Variants in METTL22 observed in about 807,000 individuals in gnomAD.
The protein encoded by METTL22 is methyltransferase-like protein 22.
A neutral mutation model predicts 48.4 loss-of-function variants in METTL22; 51 were observed. The observed-to-expected ratio is 1.05, with a 90% CI of 0.84 to 1.33. METTL22 has a LOEUF of 1.33. Ranked by LOEUF, METTL22 falls within the 40% of genes most tolerant of loss-of-function variation. The probability of loss-of-function intolerance (pLI) is 0.00; values close to 1 mark genes in which losing one functional copy is unlikely to be tolerated. For synonymous variants in METTL22, 255 were observed against 214.1 expected (o/e 1.19, Z -1.67); for missense variants, 678 against 526.9 (o/e 1.29, Z -2.81).
intron 3 of METTL22, chr16:8,631,724 A>G (rs1336029752): frequency 6.6e-6 from 1 of 152,210 alleles, no homozygotes; most frequent in Non-Finnish European, 1.5e-5. Context: ...AGATTCTAAC[A>G]CTGTCTCATC....
the METTL22 span, among the ~76,000 whole-genome samples, chr16:8,655,187 C>G: frequency 2.0e-5 from 3 of 152,212 alleles, no homozygotes; most frequent in East Asian, 3.9e-4. Flanking sequence ...GGTCATAAAT[C>G]TGGGCTTAGT....
the METTL22 span, among the ~76,000 whole-genome samples, chr16:8,656,159 C>T: frequency 2.6e-5 from 4 of 152,190 alleles, no homozygotes; most frequent in African/African-American, 9.7e-5. Context: ...TAGTGCACCA[C>T]GGCCTCGAAC....
intron 7 of METTL22, 63 bp downstream of exon 7, chr16:8,641,247 C>T: frequency 6.5e-7 from 1 of 1,539,818 alleles, no homozygotes; most frequent in South Asian, 1.1e-5. Context: ...TACCTCAGTG[C>T]CCCTGGCTCT....
chr16:8,667,162 T>C, the METTL22 span: 1 of 152,132 alleles, frequency 6.6e-6, no homozygotes, highest in Non-Finnish European at 1.5e-5. Flanking sequence ...GGAGAAAGGA[T>C]GCCTGGGCTT....
chr16:8,628,653 T>C, intron 2 of METTL22, 77 bp from the exon 3 acceptor site: 1 of 1,513,718 alleles, frequency 6.6e-7, no homozygotes, highest in Non-Finnish European at 8.8e-7. Context: ...GGTAATCAGA[T>C]ATTCTCAAAG....
chr16:8,662,049 G>A, the METTL22 span, among the ~76,000 whole-genome samples: 1 of 145,420 alleles, frequency 6.9e-6, no homozygotes, highest in East Asian at 2.0e-4. Flanking sequence ...TTCAAGACCA[G>A]CCTGGACAAC....
the METTL22 span, among the ~76,000 whole-genome samples, chr16:8,655,461 A>G: frequency 6.6e-6 from 1 of 152,372 alleles, no homozygotes; most frequent in African/African-American, 2.4e-5. Flanking sequence ...GCTTTCTCAG[A>G]GCAAGCATAC....
chr16:8,635,553 G>C (rs921398486), intron 5 of METTL22, among the ~76,000 whole-genome samples: 2 of 152,206 alleles, frequency 1.3e-5, no homozygotes, highest in Admixed American at 6.5e-5. Context: ...AGCTTCAGGA[G>C]GTGCCTAGCG....
chr16:8,631,537 C>G (rs144180845), intron 3 of METTL22: 1 of 152,376 alleles, frequency 6.6e-6, no homozygotes, highest in East Asian at 1.9e-4. Flanking sequence ...ATACAAAGCT[C>G]TTAGCGTAAT....
At chr16:8,638,443 C>G (rs1384777603) in intron 5 of METTL22, among the ~76,000 whole-genome samples, 1 of 152,118 alleles carries the variant, frequency 6.6e-6, no homozygotes, top group Non-Finnish European at 1.5e-5. Flanking sequence ...ATTCACTGTA[C>G]CCCAAGTTAG....
intron 10 of METTL22, among the ~76,000 whole-genome samples, chr16:8,645,424 A>G (rs549805640): frequency 3.3e-5 from 5 of 152,302 alleles, no homozygotes; most frequent in African/African-American, 7.2e-5. Context: ...GAGTAGCGTC[A>G]CATGACCAAG....
chr16:8,661,586 A>G, the METTL22 span, among the ~76,000 whole-genome samples: 1 of 130,756 alleles, frequency 7.6e-6, no homozygotes, highest in South Asian at 2.5e-4. Context: ...CTGAGCTTGC[A>G]GTGAGCCGAG....
Position 8,634,404 on chromosome 16 carries a change from C to G in METTL22, c.515-635C>G, listed in dbSNP as rs146537419. 4.1e-4 allele frequency among the ~76,000 whole-genome samples: 62 copies of G among 152,288 alleles called. 1 individual carries two copies. The East Asian group carries it at 0.011, about 28-fold the overall frequency. ...AAATGCTTTGCTTCATTCCTTTTCT[C>G]CTTGATCTTATATTTCCATTGTGTT... is the stretch of plus-strand genomic sequence containing the variant. On this transcript the variant is annotated intron_variant, in intron 3 of 10. Transcript: ENST00000381920.
intron 2 of METTL22, among the ~76,000 whole-genome samples, 182 bp downstream of exon 2, chr16:8,625,980 G>C (rs1409350372): frequency 1.3e-5 from 2 of 152,028 alleles, no homozygotes; most frequent in Non-Finnish European, 2.9e-5. Context: ...ATTTTTGTAT[G>C]TGGGGGTTTG....
chr16:8,644,658 G>C lies in METTL22; in HGVS notation c.1112G>C (p.Arg371Pro), dbSNP rs754423164. The C allele has an allele frequency of 1.9e-6, 3 of 1,606,546 alleles. No homozygotes were observed. The highest frequency in any genetic ancestry group is 2.5e-6 in the Non-Finnish European group (3 of 1,176,764). Residue 371 changes from arginine (R) to proline (P), a missense_variant, in exon 10 of 11, where the codon CGC becomes CCC. Coordinates refer to ENST00000381920, the MANE Select transcript of METTL22 (RefSeq NM_024109.4). The part of the protein sequence containing the change: ...ALEQLADGKL[R>P]FVVEPVEASF... ...GAGCAGCTCGCAGATGGCAAGCTGCGCTTCGTGGTGGAGCCCGTGGAGGCC... is the reference window on the plus strand; with the variant it reads ...GAGCAGCTCGCAGATGGCAAGCTGCCCTTCGTGGTGGAGCCCGTGGAGGCC...
intron 1 of METTL22, among the ~76,000 whole-genome samples, chr16:8,622,036 G>T (rs1023082486): frequency 1.3e-5 from 2 of 152,234 alleles, no homozygotes; most frequent in African/African-American, 4.8e-5. Context: ...ACCTGTGACT[G>T]TTTTTTGAGA....
chr16:8,642,052 T>G, intron 7 of METTL22, 75 bp from the exon 8 acceptor site: 3 of 1,175,516 alleles, frequency 2.6e-6, no homozygotes, highest in Non-Finnish European at 3.8e-6. Flanking sequence ...GAAGTGCCTT[T>G]TGGTCAGTCC....
At chr16:8,627,280 C>G (rs956607446) in intron 2 of METTL22, among the ~76,000 whole-genome samples, 3 of 152,134 alleles carry the variant, frequency 2.0e-5, no homozygotes, top group Non-Finnish European at 4.4e-5. Context: ...CCAGCCTGAC[C>G]CAGCCTCTGC....
intron 5 of METTL22, among the ~76,000 whole-genome samples, chr16:8,638,513 G>C (rs1305351839): frequency 6.6e-6 from 1 of 152,114 alleles, no homozygotes; most frequent in Non-Finnish European, 1.5e-5. Context: ...AGGGAGATCT[G>C]GGTGGCAGCA....
Sources: allele counts gnomAD v4.1 joint callset (sites outside exome capture counted in the v4.1 genomes callset), GRCh38; gene constraint gnomAD v4.1.1; transcripts MANE v1.5; gene names NCBI Gene and HGNC (gene_info 2026-07-23, HGNC 2026-07-21).